Variants in TEP1 observed in about 807,000 individuals in gnomAD.
The protein encoded by TEP1 is telomerase protein component 1.
Under a neutral mutation model 306.3 loss-of-function variants are expected in TEP1, and 241 were observed. The observed-to-expected ratio is 0.79, with a 90% CI of 0.71 to 0.88. TEP1 has a LOEUF of 0.88. Among genes scored for constraint, TEP1 ranks in the 40% least tolerant of loss-of-function variants. The pLI is 0.00. For synonymous variants in TEP1, 1,289 were observed against 1,305.5 expected (o/e 0.99, Z 0.27); for missense variants, 3,051 against 3,276.1 (o/e 0.93, Z 1.68).
rs761940855 is a variant in TEP1, at chr14:20,404,730, C to T, written c.913G>A (p.Ala305Thr). 2 of 1,613,770 alleles carry T rather than the reference C, an allele frequency of 1.2e-6. No individual in the cohort carries two copies. Among genetic ancestry groups the T allele is most frequent in the Non-Finnish European group, 8.5e-7 (1 of 1,179,806 alleles). Residue 305 changes from alanine to threonine, a missense_variant, in exon 5 of 55, where the codon GCC becomes ACC. Physicochemically the swap from Ala to Thr is moderately conservative, Grantham distance 58. Transcript: ENST00000262715. Reference sequence around the variant, plus strand: ...GCAGCAATGGCCAAGATGTTATTGGCCACATTCCGGACGTTCAGCTGCTGC... The same window carrying T: ...GCAGCAATGGCCAAGATGTTATTGGTCACATTCCGGACGTTCAGCTGCTGC... Reference protein sequence around the residue: ...ARQQLNVRNVANNILAIAAFL... With the variant: ...ARQQLNVRNVTNNILAIAAFL...
At chr14:20,409,846 C>T (rs948498421) in intron 1 of TEP1, among the ~76,000 whole-genome samples, 5 of 151,702 alleles carry the variant, frequency 3.3e-5, no homozygotes, top group South Asian at 2.1e-4. Context: ...CAGTGAAACC[C>T]CATCTCTACT....
chr14:20,385,755 G>T (rs1352735696), intron 20 of TEP1, among the ~76,000 whole-genome samples: 1 of 152,150 alleles, frequency 6.6e-6, no homozygotes, highest in Admixed American at 6.5e-5. Context: ...TGGAGGCTAG[G>T]TCAGAGTAAG....
intron 18 of TEP1, 75 bp from the exon 19 acceptor site, chr14:20,386,698 C>T: frequency 7.1e-7 from 1 of 1,406,364 alleles, no homozygotes; most frequent in East Asian, 2.6e-5. Context: ...GCTGTGATCA[C>T]CCTTTAGCAC....
At position 20,405,527 on chromosome 14, in the gene TEP1, G is replaced by A. The variant is rs1409045572; in HGVS notation, c.794C>T (p.Thr265Ile). ...TLVSEVNMNN[T>I]SDPTLAAIFE... ...AATGGCAGCCAGGGTGGGGTCAGATGTATTGTTCATGTTTACTTCTGAGAC... is the reference window on the plus strand; with the variant it reads ...AATGGCAGCCAGGGTGGGGTCAGATATATTGTTCATGTTTACTTCTGAGAC... The change falls in exon 4 of 55, where the codon ACA becomes ATA. Residue 265 changes from threonine (T) to isoleucine (I), a missense_variant. By Grantham distance (89) the Thr-to-Ile change is moderately conservative. Around this residue, in one of 3 missense-constraint regions of TEP1, gnomAD observed 1,507 missense variants for 1,550.5 expected, o/e 0.97. Coordinates refer to ENST00000262715, the MANE Select transcript of TEP1 (RefSeq NM_007110.5). The A allele has an allele frequency of 1.2e-6, 2 of 1,614,182 alleles. No individual in the cohort carries two copies. Among genetic ancestry groups the A allele is most frequent in the African/African-American group, 1.3e-5 (1 of 75,052 alleles).
At chr14:20,396,956 A>C (rs534781851) in intron 9 of TEP1, among the ~76,000 whole-genome samples, 145 of 152,324 alleles carry the variant, frequency 9.5e-4, no homozygotes, top group Non-Finnish European at 1.4e-3. Flanking sequence ...GAAGTTCAGA[A>C]ACCAGGCATG....
In TEP1 at chr14:20,383,406, T is replaced by A. The variant is rs531746468; in HGVS notation, c.3868-53A>T. Reference sequence around the variant, plus strand: ...AGGTAGAAAGAAAAGGAGAACCACATTGGAGAGGCCTCTCTCCTCCGTGCC... The same window carrying A: ...AGGTAGAAAGAAAAGGAGAACCACAATGGAGAGGCCTCTCTCCTCCGTGCC... On this transcript the variant is annotated intron_variant, in intron 26 of 54. Coordinates refer to ENST00000262715, the MANE Select transcript of TEP1 (RefSeq NM_007110.5). The A allele has an allele frequency of 1.2e-5, 20 of 1,605,282 alleles. No homozygotes were observed. In the South Asian group the frequency reaches 1.3e-4, roughly 11 times the overall value.
chr14:20,410,056 A>AAAAAAAAAT (rs1879533051), intron 1 of TEP1, among the ~76,000 whole-genome samples: 1 of 138,898 alleles, frequency 7.2e-6, no homozygotes, highest in East Asian at 2.1e-4. Flanking sequence ...AAAAAAAAAA[A>AAAAAAAAAT]TGCCTACCTC....
In TEP1 at chr14:20,395,592, G is replaced by A. The variant is rs145200939; in HGVS notation, c.1786C>T (p.Arg596Trp). The A allele has an allele frequency of 2.9e-5, 47 of 1,609,924 alleles. No individual in the cohort carries two copies. Among genetic ancestry groups the A allele is most frequent in the Non-Finnish European group, 3.7e-5 (44 of 1,176,612 alleles). ...TTCTTTTCATTTCTAGTTAGTATCC[G>A]CCTCATCAGTGTTATATTCGAAGGA... ...PFPSNITLMRRILTRNEKNRP... is the reference protein window; with the variant it reads ...PFPSNITLMRWILTRNEKNRP... Residue 596 changes from arginine (R) to tryptophan (W), a missense_variant, in exon 12 of 55, where the codon CGG becomes TGG. Physicochemically the swap from Arg to Trp is moderately radical, Grantham distance 101. Around this residue, in one of 3 missense-constraint regions of TEP1, gnomAD observed 1,507 missense variants for 1,550.5 expected, o/e 0.97. Coordinates refer to ENST00000262715, the MANE Select transcript of TEP1 (RefSeq NM_007110.5).
intron 4 of TEP1, 96 bp from the exon 5 acceptor site, chr14:20,404,868 C>T: frequency 1.4e-6 from 2 of 1,390,908 alleles, no homozygotes; most frequent in South Asian, 3.0e-5. Context: ...TGTATAAAAC[C>T]TTTCCTGAGC....
At chr14:20,388,860 G>T (rs529774498) in intron 17 of TEP1, among the ~76,000 whole-genome samples, 3 of 152,160 alleles carry the variant, frequency 2.0e-5, no homozygotes, top group Non-Finnish European at 2.9e-5. Context: ...TAAAAAAGAA[G>T]TAACTGGAGC....
Position 20,404,791 on chromosome 14 carries a change from G to C in TEP1, c.871-19C>G, listed in dbSNP as rs1214073199. 3 of 1,583,596 alleles carry C rather than the reference G, an allele frequency of 1.9e-6. No individual in the cohort carries two copies. The highest frequency in any genetic ancestry group is 2.6e-6 in the Non-Finnish European group (3 of 1,163,818). On this transcript the variant is annotated intron_variant, in intron 4 of 54. Transcript: ENST00000262715. ...AAGATGCCTAGGACACAGGGTGAGA[G>C]GACTAGAATCTCAGTCACTCCTCCC...
chr14:20,395,578 T>C lies in TEP1; in HGVS notation c.1800A>G (p.Arg600=). The C allele has an allele frequency of 6.2e-7, 1 of 1,613,366 alleles. No individual in the cohort carries two copies. The highest frequency in any genetic ancestry group is 8.5e-7 in the Non-Finnish European group (1 of 1,179,318). ...NITLMRRILT[R]NEKNRPRRRF... is the part of the protein sequence containing the mutation. The stretch of plus-strand genomic sequence containing the variant: ...TCCGCCTGGGACGGTTCTTTTCATT[T>C]CTAGTTAGTATCCGCCTCATCAGTG... Residue 600 remains arginine (R), a synonymous_variant, in exon 12 of 55, where the codon AGA becomes AGG. Coordinates refer to ENST00000262715, the MANE Select transcript of TEP1 (RefSeq NM_007110.5).
intron 4 of TEP1, among the ~76,000 whole-genome samples, chr14:20,405,161 T>G (rs1035143197): frequency 3.9e-5 from 6 of 152,238 alleles, no homozygotes; most frequent in African/African-American, 1.4e-4. Flanking sequence ...GTTCACTATC[T>G]AATATTCCAG....
rs753554805 is a variant in TEP1 at position 20,403,364 on chromosome 14, AG to A, written c.1266+12del. On this transcript the variant is annotated intron_variant, in intron 7 of 54. Coordinates refer to ENST00000262715, the MANE Select transcript of TEP1 (RefSeq NM_007110.5). ...GTACATGCACATATACAACCCCAGA[AG>A]AAGGGACTCACCTTTCTCTGCTCTT... 6.2e-7 allele frequency: 1 copy of A among 1,613,964 alleles called. No individual in the cohort carries two copies. Among genetic ancestry groups the A allele is most frequent in the South Asian group, 1.1e-5 (1 of 91,044 alleles).
chr14:20,380,917 G>C lies in TEP1; in HGVS notation c.4762+14C>G, dbSNP rs1294943646. ...CATATCTCAGAGAAGAACCCAGCCA[G>C]TGACTCATCTCACCATAGAGGGCAT... On this transcript the variant is annotated intron_variant, in intron 33 of 54. Transcript: ENST00000262715. 4 of 1,607,306 alleles carry C rather than the reference G, an allele frequency of 2.5e-6. No individual in the cohort carries two copies. Among genetic ancestry groups the C allele is most frequent in the Non-Finnish European group, 3.4e-6 (4 of 1,173,870 alleles).
In TEP1 at chr14:20,385,014, G is replaced by T. The variant is rs763980620; in HGVS notation, c.3078C>A (p.Leu1026=). The change falls in exon 21 of 55, where the codon CTC becomes CTA. Residue 1026 remains leucine, a synonymous_variant. Transcript: ENST00000262715. ...NQRLQPSAQA[L]IYFRDSSFLS... ...GGAAGCTGGAATCCCGGAAGTAGATGAGAGCTTGGGCAGAGGGCTGCAGAC... is the reference window on the plus strand; with the variant it reads ...GGAAGCTGGAATCCCGGAAGTAGATTAGAGCTTGGGCAGAGGGCTGCAGAC... The T allele has an allele frequency of 8.4e-5, 136 of 1,614,118 alleles. No individual in the cohort carries two copies. The highest frequency in any genetic ancestry group is 1.2e-4 in the Non-Finnish European group (136 of 1,180,054).
At chr14:20,404,171 A>G (rs939426859) in intron 5 of TEP1, among the ~76,000 whole-genome samples, 3 of 152,164 alleles carry the variant, frequency 2.0e-5, no homozygotes, top group Non-Finnish European at 4.4e-5. Flanking sequence ...CCTGGCCATC[A>G]TGGTGAAACC....
At chr14:20,390,318 A>G (rs1427046316) in intron 15 of TEP1, among the ~76,000 whole-genome samples, 1 of 152,272 alleles carries the variant, frequency 6.6e-6, no homozygotes, top group Non-Finnish European at 1.5e-5. Context: ...ACTATTATCT[A>G]CACGTGCTTA....
In TEP1 at chr14:20,395,590, C is replaced by A. The variant is rs1216600817; in HGVS notation, c.1788G>T (p.Arg596=). 6 of 1,610,798 alleles carry A rather than the reference C, an allele frequency of 3.7e-6. No individual in the cohort carries two copies. The highest frequency in any genetic ancestry group is 5.1e-6 in the Non-Finnish European group (6 of 1,177,300). Residue 596 remains arginine (R), a synonymous_variant, in exon 12 of 55, where the codon CGG becomes CGT. Coordinates refer to ENST00000262715, the MANE Select transcript of TEP1 (RefSeq NM_007110.5). The stretch of plus-strand genomic sequence containing the variant: ...GGTTCTTTTCATTTCTAGTTAGTAT[C>A]CGCCTCATCAGTGTTATATTCGAAG... ...PFPSNITLMR[R]ILTRNEKNRP...
Sources: gnomAD v4.1 joint callset for allele counts (sites outside exome capture counted in the v4.1 genomes callset) on GRCh38, gnomAD v4.1.1 for gene constraint, gnomAD v4.1.1 regional missense constraint, MANE v1.5 for transcripts, NCBI Gene and HGNC (gene_info 2026-07-23, HGNC 2026-07-21) for gene names.